The following PPP1R3A variants were observed in gnomAD, a reference collection of about 807,000 sequenced individuals.
PPP1R3A encodes the protein protein phosphatase 1 regulatory subunit 3A.
In PPP1R3A, 29 loss-of-function variants were observed where a neutral mutation model predicts 41.7. The ratio of observed to expected loss-of-function variants is 0.70; its 90% CI spans 0.52 to 0.95. PPP1R3A has a LOEUF of 0.95. Ranked by LOEUF, PPP1R3A falls within the 40% of genes least tolerant of loss-of-function variation. PPP1R3A has a pLI of 0.00. For missense variants in PPP1R3A, 1,352 were observed against 1,292.4 expected (o/e 1.05, Z -0.71); for synonymous variants, 485 against 453.4 (o/e 1.07, Z -0.89).
chr7:113,916,994 A>G (rs1315916613), intron 1 of PPP1R3A, among the ~76,000 whole-genome samples: 2 of 152,164 alleles, frequency 1.3e-5, no homozygotes, highest in Non-Finnish European at 1.5e-5. Context: ...TATATGTTTG[A>G]ATTGCTTCCA....
At chr7:113,900,542 C>T (rs1797044702) in intron 1 of PPP1R3A, among the ~76,000 whole-genome samples, 1 of 150,260 alleles carries the variant, frequency 6.7e-6, no homozygotes, top group African/African-American at 2.4e-5. Flanking sequence ...CAATGGTTTG[C>T]TTGATTTATA....
Position 113,878,297 on chromosome 7 carries a change from A to G in PPP1R3A, c.2795T>C (p.Ile932Thr), listed in dbSNP as rs945069861. 2.5e-6 allele frequency: 4 copies of G among 1,613,078 alleles called. No homozygotes were observed. The African/African-American group carries it at 4.0e-5, about 16-fold the overall frequency. The change falls in exon 4 of 4, where the codon ATT (isoleucine) becomes ACT (threonine). Residue 932 changes from isoleucine to threonine, a missense_variant. Transcript: ENST00000284601. The stretch of plus-strand genomic sequence containing the variant: ...GGTAGTAACTGCATTCTCTACAGCA[A>G]TTGCCTGCTCATTAGTTGACACTGA... ...EISVSTNEQA[I>T]AVENAVTTMA...
At chr7:113,905,445 G>T (rs1166739893) in intron 1 of PPP1R3A, among the ~76,000 whole-genome samples, 1 of 151,682 alleles carries the variant, frequency 6.6e-6, no homozygotes, top group Non-Finnish European at 1.5e-5. Context: ...AATAATCAAT[G>T]CAAATAGACC....
intron 1 of PPP1R3A, among the ~76,000 whole-genome samples, chr7:113,902,191 C>T (rs574935748): frequency 4.6e-5 from 7 of 151,748 alleles, no homozygotes; most frequent in African/African-American, 9.7e-5. Flanking sequence ...AGTGGAGGGG[C>T]ACAATCATTC....
At chr7:113,891,704 T>C (rs1039757796) in intron 1 of PPP1R3A, among the ~76,000 whole-genome samples, 1 of 152,074 alleles carries the variant, frequency 6.6e-6, no homozygotes, top group African/African-American at 2.4e-5. Flanking sequence ...TCTGGATATG[T>C]TGCACTTTTG....
At chr7:113,883,546 T>G (rs566992167) in intron 1 of PPP1R3A, among the ~76,000 whole-genome samples, 5 of 152,078 alleles carry the variant, frequency 3.3e-5, no homozygotes, top group Admixed American at 3.3e-4. Context: ...TCTATATAAA[T>G]ATAATTTTAT....
intron 1 of PPP1R3A, among the ~76,000 whole-genome samples, chr7:113,899,882 T>C (rs899817336): frequency 1.3e-5 from 2 of 151,772 alleles, no homozygotes; most frequent in South Asian, 2.1e-4. Context: ...TTAAGACCTT[T>C]AGTAAAAATA....
Position 113,879,416 on chromosome 7 carries a change from T to C in PPP1R3A, c.1676A>G (p.Asn559Ser). Residue 559 changes from asparagine to serine, a missense_variant, in exon 4 of 4, where the codon AAC becomes AGC. By Grantham distance (46) the Asn-to-Ser change is conservative (BLOSUM62 1). Transcript: ENST00000284601. ...KISVAGIGAS[N>S]RDLATLLSEH... is the part of the protein sequence containing the mutation. Reference sequence around the variant, plus strand: ...GCTCAGCAGAGTAGCCAGGTCTCTGTTACTAGCTCCAATCCCTGCCACACT... The same window carrying C: ...GCTCAGCAGAGTAGCCAGGTCTCTGCTACTAGCTCCAATCCCTGCCACACT... The C allele has an allele frequency of 1.2e-6, 2 of 1,613,574 alleles. No individual in the cohort carries two copies. Among genetic ancestry groups the C allele is most frequent in the Non-Finnish European group, 1.7e-6 (2 of 1,179,758 alleles).
chr7:113,890,387 C>A, intron 1 of PPP1R3A, among the ~76,000 whole-genome samples: 1 of 152,160 alleles, frequency 6.6e-6, no homozygotes, highest in African/African-American at 2.4e-5. Flanking sequence ...ATTGGATCTA[C>A]TGAATCAGCA....
chr7:113,900,973 T>C (rs151213963), intron 1 of PPP1R3A, among the ~76,000 whole-genome samples: 211 of 151,736 alleles, frequency 1.4e-3, no homozygotes, highest in African/African-American at 5.0e-3. Context: ...TAGAATTTCT[T>C]CTTTGATTAG....
rs1796580920 is a variant in PPP1R3A, at chr7:113,877,249, T to TG, written c.*473_*474insC. ...GAAATATTTGATCAATGAATCCTGA[T>TG]AAATGATAAATTGAACAAATTTCAT... is the stretch of plus-strand genomic sequence containing the variant. On this transcript the variant is annotated 3_prime_UTR_variant, in exon 4 of 4. Transcript: ENST00000284601. 1 of 76,442 alleles carries TG rather than the reference T, an allele frequency of 1.3e-5. No homozygotes were observed. Among genetic ancestry groups the TG allele is most frequent in the South Asian group, 5.7e-4 (1 of 1,744 alleles). 4.7% of individuals were successfully genotyped at this position (76,442 alleles called of 1,614,324 possible). A position where few individuals can be genotyped will look rare whatever the true frequency, so the allele number is the denominator to read the frequency against.
Position 113,886,398 on chromosome 7 carries a change from G to T in PPP1R3A, c.783-4078C>A, listed in dbSNP as rs139386774. ...GTTTCCCTGCACAAGCTCTCTCTTT[G>T]CCTGCTGCCACCCATGTAAGATGTG... On this transcript the variant is annotated intron_variant, in intron 1 of 3. Coordinates refer to ENST00000284601, the MANE Select transcript of PPP1R3A (RefSeq NM_002711.4). Among the ~76,000 whole-genome samples the T allele has an allele frequency of 1.9e-3, 289 of 152,184 alleles. 1 individual carries two copies. In the Middle Eastern group the frequency reaches 0.024, roughly 13 times the overall value.
chr7:113,906,238 T>C (rs1797144030), intron 1 of PPP1R3A, among the ~76,000 whole-genome samples: 2 of 151,924 alleles, frequency 1.3e-5, no homozygotes, highest in South Asian at 2.1e-4. Context: ...AGACAACAAA[T>C]ATGCAGTTAT....
Position 113,878,282 on chromosome 7 carries a change from G to T in PPP1R3A, c.2810C>A (p.Ala937Glu). ...TNEQAIAVEN[A>E]VTTMASQPIS... Reference sequence around the variant, plus strand: ...AGGTTGGCTAGCCATGGTAGTAACTGCATTCTCTACAGCAATTGCCTGCTC... The same window carrying T: ...AGGTTGGCTAGCCATGGTAGTAACTTCATTCTCTACAGCAATTGCCTGCTC... Residue 937 changes from alanine (A) to glutamate (E), a missense_variant, in exon 4 of 4, where the codon GCA (alanine) becomes GAA (glutamate). Coordinates refer to ENST00000284601, the MANE Select transcript of PPP1R3A (RefSeq NM_002711.4). The T allele has an allele frequency of 6.2e-7, 1 of 1,613,106 alleles. No homozygotes were observed. Among genetic ancestry groups the T allele is most frequent in the Non-Finnish European group, 8.5e-7 (1 of 1,179,532 alleles).
intron 1 of PPP1R3A, among the ~76,000 whole-genome samples, chr7:113,893,897 T>G (rs921655532): frequency 2.6e-5 from 4 of 152,022 alleles, no homozygotes; most frequent in African/African-American, 9.7e-5. Flanking sequence ...AACAATCTTA[T>G]TGGAGAATTC....
intron 3 of PPP1R3A, 22 bp downstream of exon 3, chr7:113,882,017 C>G (rs112939288): frequency 1.7e-5 from 27 of 1,611,178 alleles, no homozygotes; most frequent in Non-Finnish European, 2.1e-5. Flanking sequence ...TTCTCTAATA[C>G]CGTGGCAACC....
At chr7:113,903,428 T>C (rs1797097779) in intron 1 of PPP1R3A, among the ~76,000 whole-genome samples, 2 of 151,676 alleles carry the variant, frequency 1.3e-5, no homozygotes, top group South Asian at 4.2e-4. Context: ...GCAACACGTA[T>C]AGACAAGTAA....
At chr7:113,899,781 G>A (rs554297484) in intron 1 of PPP1R3A, among the ~76,000 whole-genome samples, 2 of 151,638 alleles carry the variant, frequency 1.3e-5, no homozygotes, top group African/African-American at 4.8e-5. Context: ...TTATTTTTCC[G>A]TTTGCTATGT....
chr7:113,887,905 C>T (rs1230734719), intron 1 of PPP1R3A, among the ~76,000 whole-genome samples: 1 of 152,174 alleles, frequency 6.6e-6, no homozygotes, highest in East Asian at 1.9e-4. Context: ...GTGGCAGGCA[C>T]CTGTAATCCC....
Sources: allele counts gnomAD v4.1 joint callset (sites outside exome capture counted in the v4.1 genomes callset), GRCh38; gene constraint gnomAD v4.1.1; transcripts MANE v1.5; gene names NCBI Gene and HGNC (gene_info 2026-07-23, HGNC 2026-07-21).